UQCRH: variants seen among roughly 807,000 people sequenced by gnomAD.
UQCRH encodes ubiquinol-cytochrome c reductase hinge protein, also known as cytochrome b-c1 complex subunit 6, mitochondrial.
Under a neutral mutation model 16.3 loss-of-function variants are expected in UQCRH, and 14 were observed. That is an observed-to-expected ratio of 0.86 (90% confidence interval 0.57 to 1.34). UQCRH has a LOEUF of 1.34. Ranked by LOEUF, UQCRH falls within the 40% of genes most tolerant of loss-of-function variation. The probability of loss-of-function intolerance (pLI) is 0.00; values close to 1 mark genes in which losing one functional copy is unlikely to be tolerated. For synonymous variants in UQCRH, 41 were observed against 41.9 expected (o/e 0.98, Z 0.08); for missense variants, 89 against 111.9 (o/e 0.80, Z 0.92).
chr1:46,313,188 C>T (rs1345958992), intron 3 of UQCRH, among the ~76,000 whole-genome samples: 2 of 152,106 alleles, frequency 1.3e-5, no homozygotes, highest in Admixed American at 1.3e-4. Context: ...AAAGTGGAAA[C>T]AACATAAGTG....
chr1:46,316,060 C>T (rs990973756), intron 3 of UQCRH, among the ~76,000 whole-genome samples: 2 of 152,130 alleles, frequency 1.3e-5, no homozygotes, highest in African/African-American at 4.8e-5. Flanking sequence ...ACTGAACCCC[C>T]CGCCCCGCCT....
In UQCRH at chr1:46,308,317, C is replaced by T. The variant is rs1290490593; in HGVS notation, c.55-784C>T. Among the ~76,000 whole-genome samples the T allele has an allele frequency of 4.6e-5, 7 of 152,228 alleles. No individual in the cohort carries two copies. The South Asian group carries it at 1.2e-3, about 27-fold the overall frequency. On this transcript the variant is annotated intron_variant, in intron 1 of 3. Transcript: ENST00000311672. Reference sequence around the variant, plus strand: ...AGCTATATGGGGAAGTGTCTGAGCTCGTCAGGAGGCAGAAGGTATGAGGGG... The same window carrying T: ...AGCTATATGGGGAAGTGTCTGAGCTTGTCAGGAGGCAGAAGGTATGAGGGG...
intron 2 of UQCRH, chr1:46,309,715 G>T: frequency 1.1e-5 from 3 of 277,530 alleles, no homozygotes; most frequent in Non-Finnish European, 1.9e-5. Flanking sequence ...TTGTTAGATA[G>T]TCCTTCTCTA....
chr1:46,313,348 G>C (rs1332834764), intron 3 of UQCRH, among the ~76,000 whole-genome samples: 1 of 151,650 alleles, frequency 6.6e-6, no homozygotes, highest in Non-Finnish European at 1.5e-5. Context: ...ATATATAAAA[G>C]CCGGGCGCGG....
At chr1:46,305,801 G>A (rs914646065) in intron 1 of UQCRH, among the ~76,000 whole-genome samples, 6 of 149,780 alleles carry the variant, frequency 4.0e-5, no homozygotes, top group Admixed American at 4.0e-4. Context: ...TATTCTATGA[G>A]GAACCCATAA....
At chr1:46,306,505 C>A (rs1225879101) in intron 1 of UQCRH, among the ~76,000 whole-genome samples, 2 of 151,296 alleles carry the variant, frequency 1.3e-5, no homozygotes, top group Non-Finnish European at 2.9e-5. Flanking sequence ...TCCCGAGTAG[C>A]TGGGACTACA....
intron 3 of UQCRH, among the ~76,000 whole-genome samples, chr1:46,314,690 A>G (rs889421192): frequency 6.6e-5 from 10 of 151,592 alleles, no homozygotes; most frequent in East Asian, 1.9e-4. Flanking sequence ...AAAAAAAAAA[A>G]GGAGGGAAAC....
At chr1:46,305,314 A>C (rs1162272914) in intron 1 of UQCRH, among the ~76,000 whole-genome samples, 3 of 151,222 alleles carry the variant, frequency 2.0e-5, no homozygotes, top group African/African-American at 4.8e-5. Context: ...AAAAAAAAAA[A>C]AAAAAAACTA....
At chr1:46,309,326 T>C (rs756122929) in intron 2 of UQCRH, 199 bp downstream of exon 2, 9 of 567,556 alleles carry the variant, frequency 1.6e-5, no homozygotes, top group Non-Finnish European at 2.4e-5. Context: ...TGGGGCTTCT[T>C]CAGTTGTGGT....
chr1:46,316,722 G>A lies in UQCRH; in HGVS notation c.*138G>A. ...CTCATGGGTTTGGCTTAGGCTGGTA[G>A]CTTCTATGTAATTCGCAATGATTCC... On this transcript the variant is annotated 3_prime_UTR_variant, in exon 4 of 4. Coordinates refer to ENST00000311672, the MANE Select transcript of UQCRH (RefSeq NM_006004.4). 1 of 1,251,516 alleles carries A rather than the reference G, an allele frequency of 8.0e-7. No individual in the cohort carries two copies. Among genetic ancestry groups the A allele is most frequent in the South Asian group, 1.6e-5 (1 of 62,262 alleles). 77.5% of individuals were successfully genotyped at this position (1,251,516 alleles called of 1,614,324 possible). A position where few individuals can be genotyped will look rare whatever the true frequency, so the allele number is the denominator to read the frequency against.
At chr1:46,306,042 T>A (rs1025822233) in intron 1 of UQCRH, among the ~76,000 whole-genome samples, 4 of 152,122 alleles carry the variant, frequency 2.6e-5, no homozygotes, top group Non-Finnish European at 4.4e-5. Context: ...TCCGCCCTCC[T>A]CGGCCTCCCA....
intron 1 of UQCRH, among the ~76,000 whole-genome samples, chr1:46,307,894 T>G (rs921037250): frequency 3.9e-5 from 6 of 152,212 alleles, no homozygotes. Context: ...CTAACTTGGT[T>G]TGGGATGTAA....
intron 2 of UQCRH, 130 bp from the exon 3 acceptor site, chr1:46,310,025 G>T: frequency 6.6e-7 from 1 of 1,523,766 alleles, no homozygotes; most frequent in Non-Finnish European, 8.8e-7. Flanking sequence ...GTGTGGCTCT[G>T]CCAGCTGGCC....
chr1:46,314,770 T>C (rs1001821351), intron 3 of UQCRH, among the ~76,000 whole-genome samples: 11 of 152,048 alleles, frequency 7.2e-5, no homozygotes, highest in Non-Finnish European at 1.3e-4. Context: ...ACAAACATTG[T>C]ATTGTTCCAC....
At chr1:46,312,294 G>A (rs929118824) in intron 3 of UQCRH, among the ~76,000 whole-genome samples, 1 of 151,728 alleles carries the variant, frequency 6.6e-6, no homozygotes. Context: ...TAGTAGAGAC[G>A]GGGTTTCACC....
chr1:46,307,958 A>G (rs1661404887), intron 1 of UQCRH, among the ~76,000 whole-genome samples: 1 of 152,256 alleles, frequency 6.6e-6, no homozygotes, highest in Non-Finnish European at 1.5e-5. Context: ...TAGATTATGT[A>G]GGCCCCATGT....
At chr1:46,313,160 A>G (rs565116153) in intron 3 of UQCRH, among the ~76,000 whole-genome samples, 29 of 152,292 alleles carry the variant, frequency 1.9e-4, no homozygotes, top group Non-Finnish European at 3.1e-4. Context: ...TCATAGAAGC[A>G]TTATTTATAC....
At chr1:46,315,591 C>CAAA (rs35586591) in intron 3 of UQCRH, among the ~76,000 whole-genome samples, 5 of 84,546 alleles carry the variant, frequency 5.9e-5, no homozygotes, top group Admixed American at 2.9e-4. Context: ...AAGACTGCCT[C>CAAA]AAAAAAAAAA....
chr1:46,306,982 C>T (rs1030827960), intron 1 of UQCRH, among the ~76,000 whole-genome samples: 2 of 152,190 alleles, frequency 1.3e-5, no homozygotes, highest in African/African-American at 4.8e-5. Flanking sequence ...AACCCCTGGG[C>T]TCAAGGGATC....
Sources: allele counts gnomAD v4.1 joint callset (sites outside exome capture counted in the v4.1 genomes callset), GRCh38; gene constraint gnomAD v4.1.1; transcripts MANE v1.5; gene names NCBI Gene and HGNC (gene_info 2026-07-23, HGNC 2026-07-21).